Variants in LSM14A observed in about 807,000 individuals in gnomAD.
LSM14A encodes the protein protein LSM14 homolog A.
LSM14A carries 14 observed loss-of-function variants against 52.4 expected under a neutral mutation model. That is an observed-to-expected ratio of 0.27 (90% CI 0.18 to 0.42). The LOEUF (loss-of-function observed/expected upper bound fraction) is 0.42. Among genes scored for constraint, LSM14A ranks in the 10% least tolerant of loss-of-function variants. LSM14A has a pLI of 1.00. For missense variants in LSM14A, 417 were observed against 581.8 expected, an observed-to-expected ratio of 0.72 and a Z score of 2.91; for synonymous variants, 185 against 200.3, an observed-to-expected ratio of 0.92 and a Z score of 0.64.
intron 8 of LSM14A, chr19:34,221,224 A>G (rs2073039405): frequency 5.4e-6 from 2 of 372,704 alleles, no homozygotes; most frequent in East Asian, 4.7e-5. Context: ...CTGGGATTAC[A>G]GGCACCTGCC....
At chr19:34,186,367 A>G (rs983251415) in intron 1 of LSM14A, among the ~76,000 whole-genome samples, 3 of 152,150 alleles carry the variant, frequency 2.0e-5, no homozygotes, top group African/African-American at 4.8e-5. Context: ...TATGAGATTA[A>G]CATTTAAGTT....
intron 9 of LSM14A, among the ~76,000 whole-genome samples, chr19:34,223,540 G>T (rs2073179208): frequency 6.6e-6 from 1 of 152,202 alleles, no homozygotes; most frequent in Admixed American, 6.5e-5. Context: ...AGTGTTCCAT[G>T]TTGGCTCATG....
intron 1 of LSM14A, among the ~76,000 whole-genome samples, chr19:34,187,966 A>C (rs1345634881): frequency 6.6e-6 from 1 of 152,224 alleles, no homozygotes; most frequent in Non-Finnish European, 1.5e-5. Flanking sequence ...CTAGAAATAT[A>C]AAATTGATTC....
At chr19:34,183,752 G>A (rs1188272514) in intron 1 of LSM14A, among the ~76,000 whole-genome samples, 1 of 152,136 alleles carries the variant, frequency 6.6e-6, no homozygotes, top group Non-Finnish European at 1.5e-5. Flanking sequence ...AGGCTCAGGA[G>A]TTGACATCAA....
chr19:34,216,210 G>A (rs1568497048), intron 6 of LSM14A, among the ~76,000 whole-genome samples: 2 of 152,006 alleles, frequency 1.3e-5, no homozygotes, highest in Non-Finnish European at 2.9e-5. Flanking sequence ...TCAGGAGCTC[G>A]AGACCAGCCT....
At chr19:34,223,025 A>G (rs1486643475) in intron 9 of LSM14A, among the ~76,000 whole-genome samples, 1 of 151,400 alleles carries the variant, frequency 6.6e-6, no homozygotes, top group African/African-American at 2.4e-5. Context: ...TCTTTAAAAT[A>G]CTCTTCTAGG....
At chr19:34,226,239 G>A (rs894941026) in intron 9 of LSM14A, among the ~76,000 whole-genome samples, 1 of 152,044 alleles carries the variant, frequency 6.6e-6, no homozygotes, top group Admixed American at 6.6e-5. Flanking sequence ...ACCATGGTGG[G>A]TGATAAAAAT....
At chr19:34,195,558 G>A (rs1310516601) in intron 2 of LSM14A, among the ~76,000 whole-genome samples, 2 of 152,212 alleles carry the variant, frequency 1.3e-5, no homozygotes, top group Non-Finnish European at 2.9e-5. Context: ...CCCAATTTAA[G>A]CTTTTTAATA....
intron 5 of LSM14A, 48 bp from the exon 6 acceptor site, chr19:34,215,548 A>T: frequency 1.4e-6 from 2 of 1,442,086 alleles, no homozygotes; most frequent in Non-Finnish European, 1.9e-6. Context: ...GAAGTTTTTG[A>T]TGATGTACCC....
At chr19:34,212,460 T>C (rs1036723295) in intron 4 of LSM14A, among the ~76,000 whole-genome samples, 2 of 152,196 alleles carry the variant, frequency 1.3e-5, no homozygotes, top group Non-Finnish European at 2.9e-5. Context: ...CACCAAAAAA[T>C]ATATAAATTT....
chr19:34,198,429 C>G (rs2071034864), intron 3 of LSM14A, among the ~76,000 whole-genome samples: 1 of 151,444 alleles, frequency 6.6e-6, no homozygotes, highest in African/African-American at 2.4e-5. Context: ...GCCTGACCAA[C>G]ATGGAGAAAC....
At chr19:34,213,236 T>C (rs2072303731) in intron 4 of LSM14A, among the ~76,000 whole-genome samples, 1 of 152,146 alleles carries the variant, frequency 6.6e-6, no homozygotes, top group African/African-American at 2.4e-5. Context: ...TAAACCATGA[T>C]TTCCCATTAT....
At chr19:34,187,198 G>A (rs938466002) in intron 1 of LSM14A, among the ~76,000 whole-genome samples, 6 of 150,478 alleles carry the variant, frequency 4.0e-5, no homozygotes, top group Non-Finnish European at 7.4e-5. Flanking sequence ...GCGGTGAGAC[G>A]AGATCGCGCC....
At chr19:34,218,563 T>C (rs1368544304) in intron 6 of LSM14A, among the ~76,000 whole-genome samples, 2 of 152,246 alleles carry the variant, frequency 1.3e-5, no homozygotes, top group African/African-American at 4.8e-5. Flanking sequence ...CACGCAATTG[T>C]GATCATTAAA....
chr19:34,175,207 A>G (rs1301471251), intron 1 of LSM14A, among the ~76,000 whole-genome samples: 1 of 151,504 alleles, frequency 6.6e-6, no homozygotes, highest in Non-Finnish European at 1.5e-5. Flanking sequence ...TTCATCCCAC[A>G]TCATTATATG....
chr19:34,228,571 GAT>G lies in LSM14A; in HGVS notation c.*1184_*1185del, dbSNP rs1568507846. 1.5e-5 allele frequency: 1 copy of G among 66,278 alleles called. No individual in the cohort carries two copies. The highest frequency in any genetic ancestry group is 6.4e-5 in the African/African-American group (1 of 15,686). The allele number at this position is 66,278 out of a possible 1,614,324, so 4.1% of individuals were successfully genotyped here. A position where few individuals can be genotyped will look rare whatever the true frequency, so the allele number is the denominator to read the frequency against. ...CGGCAACACTGGTCCTTGGGCCTAT[GAT>G]GACCCACAGATGACTCAGTATAGAG... is the stretch of plus-strand genomic sequence containing the variant. On this transcript the variant is annotated 3_prime_UTR_variant, in exon 10 of 10. Coordinates refer to ENST00000544216, the MANE Select transcript of LSM14A (RefSeq NM_015578.4).
At chr19:34,172,821 C>G in intron 1 of LSM14A, 58 bp downstream of exon 1, 1 of 1,484,280 alleles carries the variant, frequency 6.7e-7, no homozygotes, top group Middle Eastern at 1.8e-4. Context: ...GGGGCTGCTC[C>G]CCGCTCCGGC....
intron 3 of LSM14A, among the ~76,000 whole-genome samples, chr19:34,201,584 G>A (rs1019044882): frequency 1.3e-5 from 2 of 151,950 alleles, no homozygotes; most frequent in African/African-American, 2.4e-5. Flanking sequence ...CTCTTGATCC[G>A]CCCGCCTCAG....
At chr19:34,201,986 T>TA (rs1427235123) in intron 3 of LSM14A, among the ~76,000 whole-genome samples, 1 of 152,050 alleles carries the variant, frequency 6.6e-6, no homozygotes, top group Non-Finnish European at 1.5e-5. Context: ...CATGCCCAGC[T>TA]AATTTTTGTA....
Sources: gnomAD v4.1 joint callset for allele counts (sites outside exome capture counted in the v4.1 genomes callset) on GRCh38, gnomAD v4.1.1 for gene constraint, MANE v1.5 for transcripts, NCBI Gene and HGNC (gene_info 2026-07-23, HGNC 2026-07-21) for gene names.